Variants in KCNH7 observed in about 807,000 individuals in gnomAD.
The protein encoded by KCNH7 is voltage-gated inwardly rectifying potassium channel KCNH7.
A neutral mutation model predicts 120.8 loss-of-function variants in KCNH7; 49 were observed. That is an observed-to-expected ratio of 0.41 (90% CI 0.32 to 0.51). The LOEUF (loss-of-function observed/expected upper bound fraction) is 0.51, where lower values mean the gene tolerates loss of function less well. Ranked by LOEUF, KCNH7 falls within the 20% of genes least tolerant of loss-of-function variation. KCNH7 has a pLI of 0.38. For synonymous variants in KCNH7, 547 were observed against 516.1 expected (o/e 1.06, Z -0.81); for missense variants, 1,097 against 1,446.6 (o/e 0.76, Z 3.92).
At chr2:162,372,301 C>A (rs1382727149) in intron 15 of KCNH7, among the ~76,000 whole-genome samples, 3 of 152,004 alleles carry the variant, frequency 2.0e-5, no homozygotes, top group Non-Finnish European at 2.9e-5. Context: ...ATTCCAAGAA[C>A]TTTTATTTAA....
At chr2:162,572,891 C>CT in intron 2 of KCNH7, among the ~76,000 whole-genome samples, 1 of 151,912 alleles carries the variant, frequency 6.6e-6, no homozygotes, top group South Asian at 2.1e-4. Context: ...ACTCTGGGGA[C>CT]TGTTGTGGGG....
chr2:162,794,485 A>C (rs1199106903), intron 2 of KCNH7, among the ~76,000 whole-genome samples: 6 of 152,098 alleles, frequency 3.9e-5, no homozygotes, highest in Non-Finnish European at 7.4e-5. Flanking sequence ...AGAAACTATT[A>C]GAGCTGTGGC....
At chr2:162,796,307 T>A (rs1278091006) in intron 2 of KCNH7, 3 of 151,908 alleles carry the variant, frequency 2.0e-5, no homozygotes, top group African/African-American at 7.2e-5. Flanking sequence ...TGATAATGCA[T>A]GTAAGGGATC....
chr2:162,506,599 G>A (rs1043666298), intron 5 of KCNH7, among the ~76,000 whole-genome samples: 9 of 151,684 alleles, frequency 5.9e-5, no homozygotes, highest in African/African-American at 1.9e-4. Context: ...AAGCCCTTAA[G>A]CTCATCTTTC....
intron 6 of KCNH7, among the ~76,000 whole-genome samples, chr2:162,480,487 C>T (rs1279811435): frequency 3.3e-5 from 5 of 152,198 alleles, no homozygotes; most frequent in African/African-American, 9.7e-5. Context: ...CCATCCCTCA[C>T]CTTCCTCCTG....
rs1686028786 is a variant in KCNH7, at chr2:162,689,574, G to C, written c.307+146963C>G. 6.6e-5 allele frequency among the ~76,000 whole-genome samples: 10 copies of C among 151,870 alleles called. No individual in the cohort carries two copies. In the South Asian group the frequency reaches 2.1e-3, roughly 32 times the overall value. On this transcript the variant is annotated intron_variant, in intron 2 of 15. Coordinates refer to ENST00000332142, the MANE Select transcript of KCNH7 (RefSeq NM_033272.4). ...ATAACTCAATAACTACAATATGCAA[G>C]GTTTAGTTAAATCTGCTTATTTTTT...
At chr2:162,779,528 G>A (rs549684391) in intron 2 of KCNH7, among the ~76,000 whole-genome samples, 28 of 152,078 alleles carry the variant, frequency 1.8e-4, no homozygotes, top group African/African-American at 2.2e-4. Context: ...CTTTTTATAC[G>A]CGTGCACACA....
rs76478653 is a variant in KCNH7 at position 162,393,953 on chromosome 2, A to G, written c.2710+436T>C. On this transcript the variant is annotated intron_variant, in intron 12 of 15. Transcript: ENST00000332142. ...AAAGAATAGTCAGAGAGGCAGAAAA[A>G]CCTGGAGAAAACAAGAAGTGACAAG... Among the ~76,000 whole-genome samples the G allele has an allele frequency of 4.2e-3, 634 of 152,028 alleles. 5 individuals carry two copies. Among genetic ancestry groups the G allele is most frequent in the Non-Finnish European group, 7.5e-3 (508 of 67,924 alleles).
chr2:162,516,372 G>C (rs1345430279), intron 4 of KCNH7, among the ~76,000 whole-genome samples: 1 of 151,764 alleles, frequency 6.6e-6, no homozygotes, highest in African/African-American at 2.4e-5. Flanking sequence ...CTGAGTGGTA[G>C]TGTAAGGAGA....
intron 2 of KCNH7, among the ~76,000 whole-genome samples, chr2:162,663,859 G>A (rs930241768): frequency 6.6e-6 from 1 of 152,104 alleles, no homozygotes; most frequent in East Asian, 1.9e-4. Flanking sequence ...AAACAGAAGC[G>A]ATTTAAAATA....
At chr2:162,607,787 T>C (rs1278160442) in intron 2 of KCNH7, among the ~76,000 whole-genome samples, 2 of 152,120 alleles carry the variant, frequency 1.3e-5, no homozygotes, top group Non-Finnish European at 2.9e-5. Context: ...ATGTAAATTA[T>C]AGCTAATATT....
At chr2:162,634,240 A>T (rs937753540) in intron 2 of KCNH7, among the ~76,000 whole-genome samples, 1 of 152,062 alleles carries the variant, frequency 6.6e-6, no homozygotes, top group African/African-American at 2.4e-5. Context: ...AAATACTATT[A>T]AATACCAGTC....
intron 6 of KCNH7, among the ~76,000 whole-genome samples, chr2:162,448,730 T>C (rs1475300920): frequency 6.6e-6 from 1 of 152,036 alleles, no homozygotes; most frequent in South Asian, 2.1e-4. Context: ...CCATCCCACA[T>C]AGGCACACAG....
intron 7 of KCNH7, among the ~76,000 whole-genome samples, chr2:162,435,869 A>G (rs973937564): frequency 2.0e-5 from 3 of 152,122 alleles, no homozygotes; most frequent in Admixed American, 6.6e-5. Flanking sequence ...AGTGCCTTGC[A>G]TAAGTCCTCA....
At chr2:162,522,696 A>C (rs1691573945) in intron 3 of KCNH7, among the ~76,000 whole-genome samples, 1 of 151,910 alleles carries the variant, frequency 6.6e-6, no homozygotes, top group African/African-American at 2.4e-5. Context: ...ATAAATGTGA[A>C]ATAAGAGAAA....
chr2:162,697,113 G>A (rs901080179), intron 2 of KCNH7, among the ~76,000 whole-genome samples: 4 of 152,034 alleles, frequency 2.6e-5, no homozygotes, highest in African/African-American at 9.7e-5. Context: ...TATAGGTCTA[G>A]GTATTGAGCA....
intron 2 of KCNH7, among the ~76,000 whole-genome samples, chr2:162,823,215 T>C (rs1339863551): frequency 1.5e-5 from 2 of 135,410 alleles, no homozygotes; most frequent in East Asian, 4.4e-4. Context: ...AAAATATCTA[T>C]GTCTTCGGAT....
chr2:162,455,239 A>G (rs935903162), intron 6 of KCNH7, among the ~76,000 whole-genome samples: 1 of 152,134 alleles, frequency 6.6e-6, no homozygotes, highest in Non-Finnish European at 1.5e-5. Context: ...GCTTATGTTT[A>G]TTGATTTTCA....
At chr2:162,587,869 T>G (rs1408405439) in intron 2 of KCNH7, among the ~76,000 whole-genome samples, 1 of 152,088 alleles carries the variant, frequency 6.6e-6, no homozygotes, top group Non-Finnish European at 1.5e-5. Context: ...TCTCACACCC[T>G]AAGAACACAT....
Sources: gnomAD v4.1 joint callset for allele counts (sites outside exome capture counted in the v4.1 genomes callset) on GRCh38, gnomAD v4.1.1 for gene constraint, MANE v1.5 for transcripts, NCBI Gene and HGNC (gene_info 2026-07-23, HGNC 2026-07-21) for gene names.